The following PDP1 variants were observed in gnomAD, a reference collection of about 807,000 sequenced individuals.
PDP1 encodes pyruvate dehydrogenase phosphatase catalytic subunit 1, also known as pyruvate dehyrogenase phosphatase catalytic subunit 1.
PDP1 carries 14 observed loss-of-function variants against 37.1 expected under a neutral mutation model. The ratio of observed to expected loss-of-function variants is 0.38; its 90% CI spans 0.25 to 0.59. The LOEUF is 0.59. Ranked by LOEUF, PDP1 falls within the 20% of genes least tolerant of loss-of-function variation. PDP1 has a pLI of 0.67. For synonymous variants in PDP1, 251 were observed against 243.3 expected (o/e 1.03, Z -0.29); for missense variants, 544 against 655.3 (o/e 0.83, Z 1.85).
intron 1 of PDP1, among the ~76,000 whole-genome samples, chr8:93,918,149 AAAT>A (rs1286260757): frequency 3.9e-5 from 6 of 152,208 alleles, no homozygotes; most frequent in Non-Finnish European, 7.3e-5. Context: ...CTAATCAAAA[AAAT>A]ACTGGCGTGT....
intron 1 of PDP1, 129 bp from the exon 2 acceptor site, chr8:93,921,887 T>C (rs1394848584): frequency 3.1e-6 from 2 of 637,480 alleles, no homozygotes; most frequent in East Asian, 2.7e-5. Flanking sequence ...GTATAAAATG[T>C]AGTACCTTCT....
In PDP1 at chr8:93,917,045, G is replaced by T. The variant is rs1296207271; in HGVS notation, c.-79G>T. 2.1e-6 allele frequency: 1 copy of T among 477,708 alleles called. No homozygotes were observed. Among genetic ancestry groups the T allele is most frequent in the African/African-American group, 2.1e-5 (1 of 48,252 alleles). The allele number at this position is 477,708 out of a possible 1,614,324, so 29.6% of individuals were successfully genotyped here. A position where few individuals can be genotyped will look rare whatever the true frequency, so the allele number is the denominator to read the frequency against. On this transcript the variant is annotated 5_prime_UTR_variant, in exon 1 of 2. Transcript: ENST00000297598. ...GTGGCGTCGTTGTCGCCCCCTCCTC[G>T]TCGGGAAGAATCGTTTGGTCTCCTG... is the stretch of plus-strand genomic sequence containing the variant.
chr8:93,925,868 G>A lies in PDP1; in HGVS notation c.*2195G>A, dbSNP rs902518323. 13 of 166,832 alleles carry A rather than the reference G, an allele frequency of 7.8e-5. No individual in the cohort carries two copies. Among genetic ancestry groups the A allele is most frequent in the Non-Finnish European group, 1.8e-4 (12 of 68,068 alleles). 10.3% of individuals were successfully genotyped at this position (166,832 alleles called of 1,614,324 possible). On this transcript the variant is annotated 3_prime_UTR_variant, in exon 2 of 2. Transcript: ENST00000297598. ...TTTCTAACCTATGTATTCAACTTCT[G>A]TATTTATATTTAATCAGTGGTTCAT...
In PDP1 at chr8:93,924,447, A is replaced by T. The variant is rs1189864183; in HGVS notation, c.*774A>T. ...TTTAAAATAAGGAGATCCAGAATAA[A>T]AAGAAGAGACTGATCTCTTCAATTA... On this transcript the variant is annotated 3_prime_UTR_variant, in exon 2 of 2. Coordinates refer to ENST00000297598, the MANE Select transcript of PDP1 (RefSeq NM_018444.4). 6.0e-6 allele frequency: 1 copy of T among 167,056 alleles called. No homozygotes were observed. Among genetic ancestry groups the T allele is most frequent in the Non-Finnish European group, 1.5e-5 (1 of 68,112 alleles). The allele number at this position is 167,056 out of a possible 1,614,324, so 10.3% of individuals were successfully genotyped here.
Position 93,922,605 on chromosome 8 carries a change from C to T in PDP1, c.546C>T (p.Ser182=), listed in dbSNP as rs202034256. 1.7e-4 allele frequency: 270 copies of T among 1,613,888 alleles called. No homozygotes were observed. The highest frequency in any genetic ancestry group is 2.2e-4 in the Non-Finnish European group (260 of 1,179,984). The part of the protein sequence containing the change: ...TLLEIENAVE[S]GRALLPILQW... Reference sequence around the variant, plus strand: ...TAGAGATTGAAAATGCAGTGGAGAGCGGCCGGGCACTGCTACCCATTCTCC... The same window carrying T: ...TAGAGATTGAAAATGCAGTGGAGAGTGGCCGGGCACTGCTACCCATTCTCC... The change falls in exon 2 of 2, where the codon AGC becomes AGT. Residue 182 remains serine, a synonymous_variant. Coordinates refer to ENST00000297598, the MANE Select transcript of PDP1 (RefSeq NM_018444.4). The surrounding 1 kb of genome is among the most constrained non-coding windows in gnomAD (Gnocchi z 4.0).
At chr8:93,917,435 G>T (rs558688833) in intron 1 of PDP1, among the ~76,000 whole-genome samples, 51 of 152,042 alleles carry the variant, frequency 3.4e-4, no homozygotes, top group Admixed American at 3.0e-3. Flanking sequence ...GACGCACCCC[G>T]GGTCAGGGCT....
intron 1 of PDP1, chr8:93,920,494 A>G (rs1810235350): frequency 2.2e-6 from 2 of 929,918 alleles, no homozygotes; most frequent in Admixed American, 1.2e-4. Flanking sequence ...TCAAGAATTC[A>G]GGGAAAATAT....
intron 1 of PDP1, chr8:93,921,193 A>T (rs4236820): frequency 0.41 from 399,489 of 977,882 alleles, 82,438 homozygotes; most frequent in East Asian, 0.67. Context: ...GAAGAGCCTT[A>T]GATAGCATCT....
intron 1 of PDP1, 139 bp from the exon 2 acceptor site, chr8:93,921,877 G>C (rs1199913033): frequency 3.3e-6 from 2 of 613,480 alleles, no homozygotes; most frequent in Non-Finnish European, 5.7e-6. Flanking sequence ...CATGATGTGT[G>C]TATAAAATGT....
intron 1 of PDP1, among the ~76,000 whole-genome samples, chr8:93,919,494 C>A (rs1810192905): frequency 1.4e-5 from 1 of 69,858 alleles, no homozygotes; most frequent in African/African-American, 5.8e-5. Context: ...CGCTGCCCTC[C>A]CTCCCCCCCC....
In PDP1 at chr8:93,922,835, T is replaced by G. The variant is rs750473319; in HGVS notation, c.776T>G (p.Phe259Cys). The G allele has an allele frequency of 1.9e-6, 3 of 1,614,224 alleles. No individual in the cohort carries two copies. Among genetic ancestry groups the G allele is most frequent in the Non-Finnish European group, 2.5e-6 (3 of 1,180,042 alleles). Residue 259 changes from phenylalanine to cysteine, a missense_variant, in exon 2 of 2, where the codon TTT becomes TGT. Physicochemically the swap from Phe to Cys is radical, Grantham distance 205. This residue lies in a region of PDP1 where 342 missense variants were observed against 414.0 expected (regional missense o/e 0.83). Transcript: ENST00000297598. This position sits in a 1 kb window ranked among gnomAD's most constrained non-coding sequence, Gnocchi z 4.0. Reference protein sequence around the residue: ...LEAQVGDPNSFLNYLVLRVAF... With the variant: ...LEAQVGDPNSCLNYLVLRVAF... ...GCGCAAGTTGGTGATCCTAATTCTT[T>G]TCTCAACTACCTGGTGCTTCGAGTG...
chr8:93,917,702 C>T, intron 1 of PDP1: 5 of 1,019,430 alleles, frequency 4.9e-6, no homozygotes, highest in Non-Finnish European at 7.2e-6. Flanking sequence ...GTTCTCTCCA[C>T]CCCTTTATCC....
At position 93,925,190 on chromosome 8, in the gene PDP1, G is replaced by A. The variant is rs545190275; in HGVS notation, c.*1517G>A. 3 of 167,064 alleles carry A rather than the reference G, an allele frequency of 1.8e-5. No homozygotes were observed. In the South Asian group the frequency reaches 6.2e-4, roughly 35 times the overall value. 10.3% of individuals were successfully genotyped at this position (167,064 alleles called of 1,614,324 possible). On this transcript the variant is annotated 3_prime_UTR_variant, in exon 2 of 2. Transcript: ENST00000297598. ...AACTAGATGTTCAAGAACTCCTTCT[G>A]GACTGTGGATACTGAATCAGTGTAC...
rs1175769887 is a variant in PDP1, at chr8:93,922,993, A to G, written c.934A>G (p.Asn312Asp). Residue 312 changes from asparagine (N) to aspartate (D), a missense_variant, in exon 2 of 2, where the codon AAT becomes GAT. Transcript: ENST00000297598. This position sits in a 1 kb window ranked among gnomAD's most constrained non-coding sequence, Gnocchi z 4.0. Reference sequence around the variant, plus strand: ...CTCATGGTCAGCAGTCACGCTGTCTAATGACCACAATGCTCAAAATGAAAG... The same window carrying G: ...CTCATGGTCAGCAGTCACGCTGTCTGATGACCACAATGCTCAAAATGAAAG... ...DGSWSAVTLS[N>D]DHNAQNEREL... 3.7e-6 allele frequency: 6 copies of G among 1,614,214 alleles called. No homozygotes were observed. The South Asian group carries it at 5.5e-5, about 15-fold the overall frequency.
Position 93,923,682 on chromosome 8 carries a change from T to C in PDP1, c.*9T>C. On this transcript the variant is annotated 3_prime_UTR_variant, in exon 2 of 2. Coordinates refer to ENST00000297598, the MANE Select transcript of PDP1 (RefSeq NM_018444.4). The surrounding 1 kb of genome is among the most constrained non-coding windows in gnomAD (Gnocchi z 4.3). ...ATCAAAACCAAGAATAGTGAGTGGC[T>C]CTTTCACTGGCAATTCTCAAATGAT... 6.3e-7 allele frequency: 1 copy of C among 1,593,728 alleles called. No homozygotes were observed. The highest frequency in any genetic ancestry group is 8.6e-7 in the Non-Finnish European group (1 of 1,161,502).
At position 93,923,750 on chromosome 8, in the gene PDP1, T is replaced by C; in HGVS notation, c.*77T>C. 1 of 1,159,580 alleles carries C rather than the reference T, an allele frequency of 8.6e-7. No individual in the cohort carries two copies. The highest frequency in any genetic ancestry group is 1.2e-5 in the South Asian group (1 of 80,904). 71.8% of individuals were successfully genotyped at this position (1,159,580 alleles called of 1,614,324 possible). On this transcript the variant is annotated 3_prime_UTR_variant, in exon 2 of 2. Transcript: ENST00000297598. The surrounding 1 kb of genome is among the most constrained non-coding windows in gnomAD (Gnocchi z 4.3). ...ATTTTTTAAAAAGATACTACTATAA[T>C]AAACATTTCCAGTTGGTCATTCTAA... is the stretch of plus-strand genomic sequence containing the variant.
At position 93,923,731 on chromosome 8, in the gene PDP1, TA is replaced by T. The variant is rs1810360752; in HGVS notation, c.*63del. The T allele has an allele frequency of 1.5e-6, 2 of 1,325,642 alleles. No homozygotes were observed. The highest frequency in any genetic ancestry group is 2.3e-5 in the East Asian group (1 of 43,514). The allele number at this position is 1,325,642 out of a possible 1,614,324, so 82.1% of individuals were successfully genotyped here. The stretch of plus-strand genomic sequence containing the variant: ...ATATACATTTAAAGGGCAGATTTTT[TA>T]AAAAGATACTACTATAATAAACATT... On this transcript the variant is annotated 3_prime_UTR_variant, in exon 2 of 2. Coordinates refer to ENST00000297598, the MANE Select transcript of PDP1 (RefSeq NM_018444.4). The surrounding 1 kb of genome is among the most constrained non-coding windows in gnomAD (Gnocchi z 4.3).
Position 93,923,663 on chromosome 8 carries a change from A to G in PDP1, c.1604A>G (p.Asn535Ser). The change falls in exon 2 of 2, where the codon AAC becomes AGC. Residue 535 changes from asparagine (N) to serine (S), a missense_variant. This residue lies in a region of PDP1 where 159 missense variants were observed against 165.5 expected (regional missense o/e 0.96). Coordinates refer to ENST00000297598, the MANE Select transcript of PDP1 (RefSeq NM_018444.4). This position sits in a 1 kb window ranked among gnomAD's most constrained non-coding sequence, Gnocchi z 4.3. The part of the protein sequence containing the change: ...FNSHVVGAYQ[N>S]QE ...TCTCATGTTGTAGGGGCGTATCAAA[A>G]CCAAGAATAGTGAGTGGCTCTTTCA... is the stretch of plus-strand genomic sequence containing the variant. The G allele has an allele frequency of 6.2e-7, 1 of 1,613,106 alleles. No individual in the cohort carries two copies. The highest frequency in any genetic ancestry group is 1.1e-5 in the South Asian group (1 of 91,036).
At chr8:93,919,569 C>T (rs78288697) in intron 1 of PDP1, among the ~76,000 whole-genome samples, 3,848 of 140,294 alleles carry the variant, frequency 0.027, 145 homozygotes, top group African/African-American at 0.085. Context: ...CTTGTTATTC[C>T]TTAATTAAAC....
Sources: gnomAD v4.1 joint callset for allele counts (sites outside exome capture counted in the v4.1 genomes callset) on GRCh38, gnomAD v4.1.1 for gene constraint, gnomAD v4.1.1 regional missense constraint, Gnocchi (gnomAD v3.1) non-coding constraint, MANE v1.5 for transcripts, NCBI Gene and HGNC (gene_info 2026-07-23, HGNC 2026-07-21) for gene names.